The following RIT2 variants were observed in gnomAD, a reference collection of about 807,000 sequenced individuals.
RIT2 encodes Ras like without CAAX 2.
In RIT2, 24 loss-of-function variants were observed where a neutral mutation model predicts 23.7. The observed-to-expected ratio is 1.01, with a 90% CI of 0.73 to 1.43. RIT2 has a LOEUF of 1.43. Among genes scored for constraint, RIT2 ranks in the 40% most tolerant of loss-of-function variants. The probability of loss-of-function intolerance (pLI) is 0.00; values close to 1 mark genes in which losing one functional copy is unlikely to be tolerated. For missense variants in RIT2, 236 were observed against 266.9 expected, an observed-to-expected ratio of 0.88 and a Z score of 0.81; for synonymous variants, 107 against 91.1, an observed-to-expected ratio of 1.17 and a Z score of -0.99.
chr18:43,074,846 T>G (rs9964555), intron 1 of RIT2, among the ~76,000 whole-genome samples: 2 of 152,128 alleles, frequency 1.3e-5, no homozygotes, highest in Non-Finnish European at 2.9e-5. Flanking sequence ...AGCTGAACGA[T>G]GAGAACACAT....
chr18:43,108,347 CGT>C (rs138256652), intron 1 of RIT2, among the ~76,000 whole-genome samples: 2,868 of 148,176 alleles, frequency 0.019, 72 homozygotes, highest in African/African-American at 0.06. Flanking sequence ...GGCCATATTA[CGT>C]GTGTGTGTGT....
At chr18:42,793,589 ATAAG>A (rs1914090065) in intron 4 of RIT2, among the ~76,000 whole-genome samples, 1 of 152,230 alleles carries the variant, frequency 6.6e-6, no homozygotes, top group African/African-American at 2.4e-5. Flanking sequence ...AGATCACCCA[ATAAG>A]TGAGTACAGT....
intron 1 of RIT2, among the ~76,000 whole-genome samples, chr18:43,099,091 A>G (rs1266555339): frequency 6.6e-6 from 1 of 152,044 alleles, no homozygotes. Flanking sequence ...GGAAAAGATA[A>G]TCAGAAAAAA....
In RIT2 at chr18:42,911,299, T is replaced by C. The variant is rs148722344; in HGVS notation, c.426+12273A>G. 6.4e-3 allele frequency among the ~76,000 whole-genome samples: 973 copies of C among 151,672 alleles called. 6 individuals are homozygous for C. Among genetic ancestry groups the C allele is most frequent in the African/African-American group, 0.022 (901 of 41,392 alleles). On this transcript the variant is annotated intron_variant, in intron 4 of 4. Coordinates refer to ENST00000326695, the MANE Select transcript of RIT2 (RefSeq NM_002930.4). ...AGAGCTAAATAAATTCAAAACAAGC[T>C]GAAGAAAGAAAATAATAAAGATAAC... is the stretch of plus-strand genomic sequence containing the variant.
chr18:43,054,359 T>A (rs984717611), intron 1 of RIT2, among the ~76,000 whole-genome samples: 4 of 152,036 alleles, frequency 2.6e-5, no homozygotes, highest in Non-Finnish European at 5.9e-5. Flanking sequence ...TAGGAAGAGT[T>A]AGGAATTTCA....
intron 1 of RIT2, among the ~76,000 whole-genome samples, chr18:43,081,207 G>A (rs892722433): frequency 6.6e-6 from 1 of 152,112 alleles, no homozygotes; most frequent in Admixed American, 6.5e-5. Context: ...CCCTTTGGAT[G>A]TTTAAACTTA....
intron 4 of RIT2, among the ~76,000 whole-genome samples, chr18:42,747,104 G>A (rs1912935021): frequency 1.3e-5 from 2 of 152,024 alleles, no homozygotes; most frequent in Admixed American, 1.3e-4. Flanking sequence ...TGAAGAGGAA[G>A]TAAAACTGAT....
intron 3 of RIT2, among the ~76,000 whole-genome samples, chr18:42,961,650 C>A (rs1394086167): frequency 6.6e-6 from 1 of 152,116 alleles, no homozygotes; most frequent in East Asian, 1.9e-4. Flanking sequence ...AGATGTGTGA[C>A]CCCTATTAAT....
chr18:43,040,062 C>T (rs947484505), intron 1 of RIT2, among the ~76,000 whole-genome samples: 2 of 152,092 alleles, frequency 1.3e-5, no homozygotes, highest in African/African-American at 4.8e-5. Flanking sequence ...TGGTCAAGAC[C>T]GCTTAGAACA....
chr18:42,921,061 A>C (rs368003074), intron 4 of RIT2, among the ~76,000 whole-genome samples: 6 of 152,294 alleles, frequency 3.9e-5, no homozygotes, highest in African/African-American at 1.4e-4. Flanking sequence ...AGTTTAGTAA[A>C]GTCAATTGCT....
chr18:42,797,481 T>C (rs1397483994), intron 4 of RIT2, among the ~76,000 whole-genome samples: 1 of 152,176 alleles, frequency 6.6e-6, no homozygotes, highest in Non-Finnish European at 1.5e-5. Flanking sequence ...GTAATCATAT[T>C]ATGCAGTTTA....
At chr18:42,952,372 GC>G (rs1440100965) in intron 3 of RIT2, among the ~76,000 whole-genome samples, 1 of 152,072 alleles carries the variant, frequency 6.6e-6, no homozygotes, top group Non-Finnish European at 1.5e-5. Context: ...GTTGCCAGGG[GC>G]TAGAGAGAAG....
chr18:42,778,251 C>T (rs1251190907), intron 4 of RIT2, among the ~76,000 whole-genome samples: 1 of 151,998 alleles, frequency 6.6e-6, no homozygotes, highest in Non-Finnish European at 1.5e-5. Context: ...CTTATAGTGT[C>T]ACCAAAAGAA....
At chr18:42,905,366 G>A (rs1908583513) in intron 4 of RIT2, among the ~76,000 whole-genome samples, 1 of 152,126 alleles carries the variant, frequency 6.6e-6, no homozygotes, top group Admixed American at 6.6e-5. Context: ...TGTAAAACTT[G>A]CTGTATATAT....
chr18:43,067,095 G>C (rs993717567), intron 1 of RIT2, among the ~76,000 whole-genome samples: 6 of 151,962 alleles, frequency 3.9e-5, no homozygotes, highest in African/African-American at 1.4e-4. Flanking sequence ...ATTATTCAAA[G>C]TAACGATAAC....
intron 2 of RIT2, among the ~76,000 whole-genome samples, chr18:43,013,635 G>A (rs1425912074): frequency 6.6e-6 from 1 of 151,778 alleles, no homozygotes; most frequent in African/African-American, 2.4e-5. Context: ...CAGTGCTGAA[G>A]TATTAGGCTT....
chr18:42,929,704 A>G (rs1909278725), intron 3 of RIT2, among the ~76,000 whole-genome samples: 4 of 152,194 alleles, frequency 2.6e-5, no homozygotes, highest in African/African-American at 9.6e-5. Context: ...GCAAGAATAA[A>G]ACATTAAAAC....
At chr18:42,901,561 T>C (rs1304430285) in intron 4 of RIT2, among the ~76,000 whole-genome samples, 2 of 152,016 alleles carry the variant, frequency 1.3e-5, no homozygotes, top group African/African-American at 4.8e-5. Context: ...TAAAAGACTT[T>C]TAGATATATT....
At chr18:42,949,956 C>T (rs1046151627) in intron 3 of RIT2, among the ~76,000 whole-genome samples, 3 of 152,062 alleles carry the variant, frequency 2.0e-5, no homozygotes, top group Non-Finnish European at 2.9e-5. Flanking sequence ...GGAGAATCAT[C>T]TCTTAGTATT....
Sources: allele counts gnomAD v4.1 joint callset (sites outside exome capture counted in the v4.1 genomes callset), GRCh38; gene constraint gnomAD v4.1.1; transcripts MANE v1.5; gene names NCBI Gene and HGNC (gene_info 2026-07-23, HGNC 2026-07-21).